Variants in ATOSA observed in about 807,000 individuals in gnomAD.
ATOSA encodes atos homolog A.
At chr15:52,592,831 T>A in the ATOSA span, among the ~76,000 whole-genome samples, 2 of 152,168 alleles carry the variant, frequency 1.3e-5, no homozygotes, top group African/African-American at 4.8e-5. Context: ...AGCGTGAGTC[T>A]GAAGTAGCTA....
At chr15:52,582,548 C>T in the ATOSA span, among the ~76,000 whole-genome samples, 1 of 152,208 alleles carries the variant, frequency 6.6e-6, no homozygotes, top group Admixed American at 6.5e-5. Flanking sequence ...GCCTGAGATG[C>T]TTCTTCCTGT....
At chr15:52,670,161 T>C in the ATOSA span, among the ~76,000 whole-genome samples, 22 of 152,348 alleles carry the variant, frequency 1.4e-4, no homozygotes, top group South Asian at 3.3e-3. Context: ...GAAGACAAGG[T>C]TGACAGTGAC....
chr15:52,587,482 G>C, the ATOSA span: 2 of 258,894 alleles, frequency 7.7e-6, no homozygotes, highest in African/African-American at 4.5e-5. Context: ...AGGAATAAAA[G>C]AAAGAAGTTC....
the ATOSA span, chr15:52,678,190 G>A: frequency 2.6e-6 from 2 of 780,910 alleles, no homozygotes; most frequent in Non-Finnish European, 4.3e-6. Context: ...GTAAACTACT[G>A]TTAAGTTAGG....
the ATOSA span, among the ~76,000 whole-genome samples, chr15:52,692,806 T>A: frequency 1.4e-5 from 2 of 143,154 alleles, no homozygotes. Context: ...ACTACAGGCG[T>A]CAGCTATAGC....
chr15:52,705,443 A>T, the ATOSA span, among the ~76,000 whole-genome samples: 1 of 152,176 alleles, frequency 6.6e-6, no homozygotes, highest in Non-Finnish European at 1.5e-5. Flanking sequence ...AACATGGCAC[A>T]TGTATACCTA....
At chr15:52,665,752 G>C in the ATOSA span, among the ~76,000 whole-genome samples, 4 of 152,062 alleles carry the variant, frequency 2.6e-5, no homozygotes, top group Non-Finnish European at 5.9e-5. Flanking sequence ...CAAAAAGCTT[G>C]TACACATGAA....
chr15:52,603,857 G>A, the ATOSA span, among the ~76,000 whole-genome samples: 1 of 152,046 alleles, frequency 6.6e-6, no homozygotes, highest in Non-Finnish European at 1.5e-5. Flanking sequence ...GGGATAAAGT[G>A]GGAATGGTTA....
At chr15:52,625,252 A>G in the ATOSA span, among the ~76,000 whole-genome samples, 1 of 152,118 alleles carries the variant, frequency 6.6e-6, no homozygotes, top group East Asian at 1.9e-4. Flanking sequence ...AATACCTAGT[A>G]CAAGTCATTT....
the ATOSA span, among the ~76,000 whole-genome samples, chr15:52,653,705 C>T: frequency 6.6e-6 from 1 of 152,164 alleles, no homozygotes; most frequent in African/African-American, 2.4e-5. Flanking sequence ...GTCACAGGCC[C>T]ACTGTACTTT....
At chr15:52,670,379 G>A in the ATOSA span, among the ~76,000 whole-genome samples, 4 of 152,220 alleles carry the variant, frequency 2.6e-5, no homozygotes, top group East Asian at 1.9e-4. Context: ...TAAGGTTGAC[G>A]GTATTAGAGC....
chr15:52,643,275 T>C, the ATOSA span, among the ~76,000 whole-genome samples: 1 of 152,170 alleles, frequency 6.6e-6, no homozygotes, highest in African/African-American at 2.4e-5. Context: ...TTATAGCTAG[T>C]GACTCAAAAA....
At chr15:52,653,685 T>A in the ATOSA span, among the ~76,000 whole-genome samples, 1 of 152,174 alleles carries the variant, frequency 6.6e-6, no homozygotes, top group Admixed American at 6.6e-5. Context: ...AACTTCCTAA[T>A]CCAAGACTAG....
the ATOSA span, among the ~76,000 whole-genome samples, chr15:52,638,734 G>C: frequency 6.6e-6 from 1 of 151,204 alleles, no homozygotes; most frequent in Non-Finnish European, 1.5e-5. Context: ...ACTGGGGTGG[G>C]TGGTATCACT....
chr15:52,647,537 C>T, the ATOSA span, among the ~76,000 whole-genome samples: 1 of 152,208 alleles, frequency 6.6e-6, no homozygotes. Flanking sequence ...AGGCAGCTGG[C>T]TTGTCCCTTG....
the ATOSA span, chr15:52,648,489 C>T: frequency 6.6e-6 from 1 of 152,084 alleles, no homozygotes; most frequent in East Asian, 1.9e-4. Context: ...CAATTCTTCT[C>T]TTCTAGGTAT....
chr15:52,594,221 A>G, the ATOSA span, among the ~76,000 whole-genome samples: 2 of 152,246 alleles, frequency 1.3e-5, no homozygotes, highest in Non-Finnish European at 2.9e-5. Flanking sequence ...TAACCGAGAA[A>G]TAATTGCTTC....
At chr15:52,613,894 T>G in the ATOSA span, 1 of 1,567,558 alleles carries the variant, frequency 6.4e-7, no homozygotes, top group Non-Finnish European at 8.7e-7. Context: ...CTCAATTTAA[T>G]GTACTCTTAG....
chr15:52,654,953 A>T, the ATOSA span, among the ~76,000 whole-genome samples: 4 of 151,938 alleles, frequency 2.6e-5, no homozygotes, highest in Non-Finnish European at 5.9e-5. Flanking sequence ...TCATATATAT[A>T]TATTAAATAG....
Sources: allele counts gnomAD v4.1 joint callset (sites outside exome capture counted in the v4.1 genomes callset), GRCh38; gene constraint gnomAD v4.1.1; transcripts MANE v1.5; gene names NCBI Gene and HGNC (gene_info 2026-07-23, HGNC 2026-07-21).